MIS18A: variants seen among roughly 807,000 people sequenced by gnomAD.
MIS18A encodes the protein MIS18 kinetochore protein A.
In MIS18A, 14 loss-of-function variants were observed where a neutral mutation model predicts 25.0. That is an observed-to-expected ratio of 0.56 (90% CI 0.37 to 0.88). The LOEUF (loss-of-function observed/expected upper bound fraction) is 0.88, where lower values mean the gene tolerates loss of function less well. MIS18A is among the 40% of genes least tolerant of loss of function. The pLI, the probability that MIS18A is intolerant of heterozygous loss-of-function variation, is 0.00. For synonymous variants in MIS18A, 134 were observed against 118.6 expected (o/e 1.13, Z -0.84); for missense variants, 292 against 290.8 (o/e 1.00, Z -0.03).
At chr21:32,158,600 G>A in the MIS18A span, among the ~76,000 whole-genome samples, 8 of 151,872 alleles carry the variant, frequency 5.3e-5, no homozygotes, top group South Asian at 1.5e-3. Context: ...TCAGCCTCCC[G>A]AGTAGCTGGG....
the MIS18A span, among the ~76,000 whole-genome samples, chr21:32,232,125 A>T: frequency 3.3e-5 from 5 of 152,184 alleles, no homozygotes; most frequent in Admixed American, 2.0e-4. Flanking sequence ...ATGTACATGT[A>T]TGTATATATC....
the MIS18A span, among the ~76,000 whole-genome samples, chr21:32,239,585 G>A: frequency 6.6e-6 from 1 of 152,170 alleles, no homozygotes; most frequent in Non-Finnish European, 1.5e-5. Context: ...GGTTCCCCAC[G>A]AAGGTGCCAT....
chr21:32,233,382 G>A, the MIS18A span, among the ~76,000 whole-genome samples: 2 of 151,670 alleles, frequency 1.3e-5, no homozygotes, highest in Admixed American at 1.3e-4. Flanking sequence ...CCGTGTAATC[G>A]TAAGAATCTA....
chr21:32,276,460 C>CAAAAAA lies in MIS18A; in HGVS notation c.335-1570_335-1565dup, dbSNP rs558102501. On this transcript the variant is annotated intron_variant, in intron 1 of 4. Transcript: ENST00000290130. ...TGGGCAACACAGTGAGACTCTGTCTCAAAAAAAAAAAAAAAAAAAAAAAAA... is the reference window on the plus strand; with the variant it reads ...TGGGCAACACAGTGAGACTCTGTCTCAAAAAAAAAAAAAAAAAAAAAAAAAAAAAAA... Among the ~76,000 whole-genome samples, 11 of 72,730 alleles carry CAAAAAA rather than the reference C, an allele frequency of 1.5e-4. 2 individuals are homozygous for CAAAAAA. Among genetic ancestry groups the CAAAAAA allele is most frequent in the East Asian group, 4.0e-4 (1 of 2,514 alleles). 47.7% of individuals were successfully genotyped at this position (72,730 alleles called of 152,430 possible). A position where few individuals can be genotyped will look rare whatever the true frequency, so the allele number is the denominator to read the frequency against.
At chr21:32,182,395 A>C in the MIS18A span, among the ~76,000 whole-genome samples, 1 of 132,430 alleles carries the variant, frequency 7.6e-6, no homozygotes, top group Non-Finnish European at 1.6e-5. Context: ...ACCTATGAAC[A>C]GCATCCCCCC....
the MIS18A span, among the ~76,000 whole-genome samples, chr21:32,233,382 G>GT: frequency 6.6e-6 from 1 of 151,670 alleles, no homozygotes; most frequent in Non-Finnish European, 1.5e-5. Context: ...CCGTGTAATC[G>GT]TAAGAATCTA....
the MIS18A span, among the ~76,000 whole-genome samples, chr21:32,211,233 G>C: frequency 2.6e-5 from 4 of 152,150 alleles, no homozygotes; most frequent in African/African-American, 9.7e-5. Context: ...TAGAGATGGG[G>C]TTTCAACATG....
intron 1 of MIS18A, among the ~76,000 whole-genome samples, chr21:32,275,127 C>G (rs2031786298): frequency 6.6e-6 from 1 of 152,116 alleles, no homozygotes; most frequent in Admixed American, 6.5e-5. Flanking sequence ...TCATCCCAAC[C>G]CTTTGGGAGG....
Position 32,269,105 on chromosome 21 carries a change from A to G in MIS18A, c.634T>C (p.Leu212=). Residue 212 remains leucine, a synonymous_variant, in exon 5 of 5, where the codon TTG becomes CTG. Coordinates refer to ENST00000290130, the MANE Select transcript of MIS18A (RefSeq NM_018944.3). ...EKSLTQMEDV[L]KALQMKLWEA... The stretch of plus-strand genomic sequence containing the variant: ...CACAGCTTCATTTGTAATGCTTTCA[A>G]GACATCTTCCATCTATTGAATTTAA... The G allele has an allele frequency of 6.2e-7, 1 of 1,602,236 alleles. No homozygotes were observed. The highest frequency in any genetic ancestry group is 8.5e-7 in the Non-Finnish European group (1 of 1,173,052).
chr21:32,275,375 A>G (rs2031790882), intron 1 of MIS18A, among the ~76,000 whole-genome samples: 1 of 152,240 alleles, frequency 6.6e-6, no homozygotes, highest in Non-Finnish European at 1.5e-5. Flanking sequence ...GCAAAGAATT[A>G]TCTGCCAGAT....
the MIS18A span, among the ~76,000 whole-genome samples, chr21:32,257,272 G>A: frequency 1.3e-5 from 2 of 152,328 alleles, no homozygotes; most frequent in South Asian, 4.1e-4. Flanking sequence ...GGAATAACCA[G>A]TGCACTTTAA....
the MIS18A span, among the ~76,000 whole-genome samples, chr21:32,183,842 G>C: frequency 6.6e-6 from 1 of 152,332 alleles, no homozygotes; most frequent in South Asian, 2.1e-4. Flanking sequence ...TCACCACTAA[G>C]GTTACTGGAG....
the MIS18A span, among the ~76,000 whole-genome samples, chr21:32,161,089 G>A: frequency 6.6e-6 from 1 of 152,156 alleles, no homozygotes; most frequent in East Asian, 1.9e-4. Flanking sequence ...GTGATTTTGG[G>A]ACCCCAAGAT....
the MIS18A span, among the ~76,000 whole-genome samples, chr21:32,173,704 A>G: frequency 6.6e-6 from 1 of 152,202 alleles, no homozygotes; most frequent in Non-Finnish European, 1.5e-5. Context: ...GGAAATACCC[A>G]GAACAGGCAA....
At chr21:32,253,165 C>T in the MIS18A span, among the ~76,000 whole-genome samples, 41 of 152,226 alleles carry the variant, frequency 2.7e-4, 1 homozygote, top group Non-Finnish European at 2.6e-4. Flanking sequence ...CCCCCCCGCA[C>T]GACCCCCAGC....
At chr21:32,260,655 C>G in the MIS18A span, 1 of 152,458 alleles carries the variant, frequency 6.6e-6, no homozygotes, top group South Asian at 2.1e-4. Context: ...CTGGGCAAGT[C>G]GGACGCCATC....
chr21:32,173,388 T>C, the MIS18A span, among the ~76,000 whole-genome samples: 1 of 152,346 alleles, frequency 6.6e-6, no homozygotes, highest in African/African-American at 2.4e-5. Flanking sequence ...TGTTTGGCAG[T>C]TCCTCAAAAT....
chr21:32,199,096 G>A, the MIS18A span, among the ~76,000 whole-genome samples: 1 of 152,166 alleles, frequency 6.6e-6, no homozygotes, highest in African/African-American at 2.4e-5. Flanking sequence ...ATGGGGTCAG[G>A]CTAAAGTAGG....
chr21:32,199,507 G>C, the MIS18A span, among the ~76,000 whole-genome samples: 1 of 152,302 alleles, frequency 6.6e-6, no homozygotes, highest in East Asian at 1.9e-4. Context: ...CTAGCAGCTT[G>C]TTAGAAATAC....
Sources: gnomAD v4.1 joint callset for allele counts (sites outside exome capture counted in the v4.1 genomes callset) on GRCh38, gnomAD v4.1.1 for gene constraint, MANE v1.5 for transcripts, NCBI Gene and HGNC (gene_info 2026-07-23, HGNC 2026-07-21) for gene names.